Variants in ABCA9 observed in about 807,000 individuals in gnomAD.
ABCA9 encodes the protein ATP binding cassette subfamily A member 9, also known as ATP-binding cassette sub-family A member 9.
ABCA9 carries 183 observed loss-of-function variants against 205.3 expected under a neutral mutation model. The observed-to-expected ratio is 0.89, with a 90% CI of 0.79 to 1.01. The LOEUF (loss-of-function observed/expected upper bound fraction) is 1.01, where lower values mean the gene tolerates loss of function less well. Among genes scored for constraint, ABCA9 ranks in the 50% least tolerant of loss-of-function variants. ABCA9 has a pLI of 0.00. For synonymous variants in ABCA9, 651 were observed against 683.3 expected (o/e 0.95, Z 0.74); for missense variants, 1,805 against 1,912.4 (o/e 0.94, Z 1.05).
At chr17:68,994,405 C>A (rs1288163489) in intron 26 of ABCA9, among the ~76,000 whole-genome samples, 1 of 152,154 alleles carries the variant, frequency 6.6e-6, no homozygotes, top group Non-Finnish European at 1.5e-5. Flanking sequence ...AAGTGTCCAA[C>A]CCTGATTGAA....
intron 32 of ABCA9, 100 bp from the exon 33 acceptor site, chr17:68,985,228 T>C: frequency 6.6e-7 from 1 of 1,513,866 alleles, no homozygotes; most frequent in Non-Finnish European, 9.1e-7. Flanking sequence ...GAGGTGTTTA[T>C]GAGTGGTCAG....
the ABCA9 span, among the ~76,000 whole-genome samples, chr17:69,073,254 T>C: frequency 6.6e-6 from 1 of 152,206 alleles, no homozygotes; most frequent in Admixed American, 6.5e-5. Flanking sequence ...GCAGATCTAA[T>C]AGACATCTAC....
chr17:69,069,244 A>AAGTGAATACAG, the ABCA9 span, among the ~76,000 whole-genome samples: 1 of 152,220 alleles, frequency 6.6e-6, no homozygotes, highest in African/African-American at 2.4e-5. Flanking sequence ...AATCACAGCC[A>AAGTGAATACAG]AGATCAGCTT....
At chr17:69,027,247 T>C in intron 14 of ABCA9, 83 bp downstream of exon 14, 1 of 1,564,804 alleles carries the variant, frequency 6.4e-7, no homozygotes, top group South Asian at 1.2e-5. Context: ...TCTCTTACAT[T>C]TATCATTTGA....
rs925648820 is a variant in ABCA9 at position 69,027,424 on chromosome 17, T to A, written c.1817A>T (p.Glu606Val). 1.2e-6 allele frequency: 2 copies of A among 1,612,896 alleles called. No individual in the cohort carries two copies. The highest frequency in any genetic ancestry group is 2.7e-5 in the African/African-American group (2 of 74,912). The change falls in exon 14 of 39, where the codon GAA (glutamate) becomes GTA (valine). Residue 606 changes from glutamate (E) to valine (V), a missense_variant. Coordinates refer to ENST00000340001, the MANE Select transcript of ABCA9 (RefSeq NM_080283.4). Reference sequence around the variant, plus strand: ...AAGGATGTCTTGAATATTTTCCATTTCTAATTCCTGTACAACTCGTTGTAC... The same window carrying A: ...AAGGATGTCTTGAATATTTTCCATTACTAATTCCTGTACAACTCGTTGTAC... ...KEVQRVVQELEMENIQDILAQ... is the reference protein window; with the variant it reads ...KEVQRVVQELVMENIQDILAQ...
chr17:68,997,594 C>CTTTTTTTT, intron 25 of ABCA9, among the ~76,000 whole-genome samples: 2 of 125,398 alleles, frequency 1.6e-5, no homozygotes, highest in Non-Finnish European at 3.4e-5. Flanking sequence ...TATTTTTTTT[C>CTTTTTTTT]TTTTTTTTTT....
rs201888658 is a variant in ABCA9 at position 69,023,581 on chromosome 17, C to G, written c.2281+633G>C. Among the ~76,000 whole-genome samples, 1 of 152,272 alleles carries G rather than the reference C, an allele frequency of 6.6e-6. No individual in the cohort carries two copies. The highest frequency in any genetic ancestry group is 1.9e-4 in the East Asian group (1 of 5,190). On this transcript the variant is annotated intron_variant, in intron 17 of 38. Transcript: ENST00000340001. This position sits in a 1 kb window ranked among gnomAD's most constrained non-coding sequence, Gnocchi z 4.2. ...AATGGCCCCGGTATAATTTCTTGAA[C>G]TTGATATGGCAAACACATTTTTACA...
Position 69,020,543 on chromosome 17 carries a change from A to G in ABCA9, c.2445T>C (p.Asp815=). 1 of 1,614,052 alleles carries G rather than the reference A, an allele frequency of 6.2e-7. No individual in the cohort carries two copies. Among genetic ancestry groups the G allele is most frequent in the South Asian group, 1.1e-5 (1 of 91,082 alleles). The change falls in exon 19 of 39, where the codon GAT becomes GAC. Residue 815 remains aspartate (D), a synonymous_variant. Coordinates refer to ENST00000340001, the MANE Select transcript of ABCA9 (RefSeq NM_080283.4). ...GTTCCAGCTCAACAAGGCTTCCTAT[A>G]TCTTTTGCCCCATCAGTTTGTAATT... ...WGQLQTDGAK[D]IGSLVELEQV... is the part of the protein sequence containing the mutation.
rs1430045647 is a variant in ABCA9, at chr17:69,029,205, A to ATTCT, written c.1464_1467dup (p.Tyr490ArgfsTer7). ...TCTACTCTCTCACACTTCCCTGCAT[A>ATTCT]TTCTTTTTTAAGATTTTTGATTCTG... is the stretch of plus-strand genomic sequence containing the variant. On this transcript the variant is annotated frameshift_variant, in exon 11 of 39. Coordinates refer to ENST00000340001, the MANE Select transcript of ABCA9 (RefSeq NM_080283.4). LOFTEE classifies it high-confidence loss of function. 1 of 1,560,740 alleles carries ATTCT rather than the reference A, an allele frequency of 6.4e-7. No individual in the cohort carries two copies. Among genetic ancestry groups the ATTCT allele is most frequent in the African/African-American group, 1.4e-5 (1 of 73,146 alleles).
At chr17:69,002,688 C>T (rs1349413113) in intron 25 of ABCA9, among the ~76,000 whole-genome samples, 108 of 148,730 alleles carry the variant, frequency 7.3e-4, no homozygotes, top group Non-Finnish European at 1.2e-3. Flanking sequence ...CTTTCTGTCT[C>T]GTTGATCTGT....
At chr17:69,077,134 A>T in the ABCA9 span, among the ~76,000 whole-genome samples, 6 of 152,004 alleles carry the variant, frequency 3.9e-5, no homozygotes, top group African/African-American at 1.4e-4. Context: ...AACTTTTCGA[A>T]GTAGGTATTT....
intron 28 of ABCA9, 56 bp downstream of exon 28, chr17:68,992,119 G>A (rs1430666483): frequency 1.6e-6 from 2 of 1,258,368 alleles, no homozygotes; most frequent in East Asian, 2.5e-5. Flanking sequence ...ACATTAAAAA[G>A]TCCTTAAAGA....
intron 23 of ABCA9, among the ~76,000 whole-genome samples, chr17:69,011,433 G>T (rs1364557546): frequency 1.3e-5 from 2 of 152,186 alleles, no homozygotes; most frequent in African/African-American, 4.8e-5. Context: ...TAAAAATTAA[G>T]TCAAGCCCTT....
chr17:68,989,991 C>T (rs894647810), intron 29 of ABCA9, 61 bp from the exon 30 acceptor site: 14 of 1,161,276 alleles, frequency 1.2e-5, no homozygotes, highest in African/African-American at 1.5e-5. Flanking sequence ...GAGGGTGTTC[C>T]ACACTCTTGT....
chr17:69,078,204 TTTG>T, the ABCA9 span, among the ~76,000 whole-genome samples: 1 of 82,516 alleles, frequency 1.2e-5, no homozygotes, highest in African/African-American at 3.0e-5. Flanking sequence ...TGGTTTTGTT[TTTG>T]TTGTTTTTTT....
intron 36 of ABCA9, among the ~76,000 whole-genome samples, chr17:68,983,266 C>G (rs1598328766): frequency 6.6e-6 from 1 of 152,142 alleles, no homozygotes; most frequent in African/African-American, 2.4e-5. Flanking sequence ...GAACTAGATT[C>G]TACTCCTGTC....
chr17:69,072,608 G>C, the ABCA9 span, among the ~76,000 whole-genome samples: 1 of 148,150 alleles, frequency 6.7e-6, no homozygotes, highest in Non-Finnish European at 1.5e-5. Flanking sequence ...ACTAAATATG[G>C]AAAGGAAAAA....
chr17:69,027,757 G>A lies in ABCA9; in HGVS notation c.1674C>T (p.Ser558=). The change falls in exon 13 of 39, where the codon AGC becomes AGT. Residue 558 remains serine, a synonymous_variant. Transcript: ENST00000340001. ...LSRMADIENI[S]KFTGFCPQSN... Reference sequence around the variant, plus strand: ...ATTGTGGACAAAATCCAGTGAACTTGCTGATATTTTCTATATCAGCCATTC... The same window carrying A: ...ATTGTGGACAAAATCCAGTGAACTTACTGATATTTTCTATATCAGCCATTC... 1 of 1,612,750 alleles carries A rather than the reference G, an allele frequency of 6.2e-7. No individual in the cohort carries two copies. Among genetic ancestry groups the A allele is most frequent in the East Asian group, 2.2e-5 (1 of 44,790 alleles).
intron 37 of ABCA9, 152 bp from the exon 38 acceptor site, chr17:68,976,342 T>A (rs1325881640): frequency 1.5e-6 from 1 of 662,668 alleles, no homozygotes; most frequent in Non-Finnish European, 2.6e-6. Flanking sequence ...AAACGCGATA[T>A]AGTCATATAA....
Sources: gnomAD v4.1 joint callset for allele counts (sites outside exome capture counted in the v4.1 genomes callset) on GRCh38, gnomAD v4.1.1 for gene constraint, Gnocchi (gnomAD v3.1) non-coding constraint, MANE v1.5 for transcripts, NCBI Gene and HGNC (gene_info 2026-07-23, HGNC 2026-07-21) for gene names.